CLTB: variants seen among roughly 807,000 people sequenced by gnomAD.
CLTB encodes clathrin, light chain (Lcb).
A neutral mutation model predicts 30.5 loss-of-function variants in CLTB; 10 were observed. That is an observed-to-expected ratio of 0.33 (90% CI 0.20 to 0.56). CLTB has a LOEUF of 0.56. Ranked by LOEUF, CLTB falls within the 20% of genes least tolerant of loss-of-function variation. The pLI, the probability that CLTB is intolerant of heterozygous loss-of-function variation, is 0.91. For synonymous variants in CLTB, 102 were observed against 120.3 expected (o/e 0.85, Z 1.00); for missense variants, 261 against 308.3 (o/e 0.85, Z 1.15).
At chr5:176,404,563 T>C (rs1161951412) in intron 2 of CLTB, among the ~76,000 whole-genome samples, 1 of 152,204 alleles carries the variant, frequency 6.6e-6, no homozygotes, top group African/African-American at 2.4e-5. Context: ...CAGCCTGCAG[T>C]CTGGGTGTGG....
intron 2 of CLTB, among the ~76,000 whole-genome samples, chr5:176,400,328 C>T (rs1404147068): frequency 6.6e-6 from 1 of 152,258 alleles, no homozygotes; most frequent in Middle Eastern, 3.4e-3. Context: ...AGTGATGGCT[C>T]AGTGAATAGT....
chr5:176,395,998 G>A (rs1364429245), intron 5 of CLTB, among the ~76,000 whole-genome samples: 3 of 152,096 alleles, frequency 2.0e-5, no homozygotes, highest in African/African-American at 7.2e-5. Context: ...AGCCGGGCAC[G>A]GTTGCATGTG....
At chr5:176,411,983 T>C (rs1171452747) in intron 1 of CLTB, among the ~76,000 whole-genome samples, 1 of 151,994 alleles carries the variant, frequency 6.6e-6, no homozygotes, top group Non-Finnish European at 1.5e-5. Context: ...GAGACCATCC[T>C]GGCTAACACG....
chr5:176,412,492 CTG>C (rs1757495282), intron 1 of CLTB, among the ~76,000 whole-genome samples: 1 of 152,208 alleles, frequency 6.6e-6, no homozygotes, highest in Non-Finnish European at 1.5e-5. Flanking sequence ...TTGAGGCCTG[CTG>C]TTATCTGCAA....
At chr5:176,412,555 G>A (rs1757498454) in intron 1 of CLTB, among the ~76,000 whole-genome samples, 1 of 152,236 alleles carries the variant, frequency 6.6e-6, no homozygotes, top group Non-Finnish European at 1.5e-5. Context: ...GAGGCCACAT[G>A]AGGTTAATAG....
upstream of CLTB, chr5:176,416,561 G>C: frequency 3.7e-6 from 1 of 272,284 alleles, no homozygotes; most frequent in Non-Finnish European, 6.4e-6. Flanking sequence ...GCCGCGGCGG[G>C]AGGAGCGGAG....
intron 4 of CLTB, 62 bp from the exon 5 acceptor site, chr5:176,396,594 C>G: frequency 8.3e-7 from 1 of 1,198,888 alleles, no homozygotes; most frequent in Non-Finnish European, 1.2e-6. Context: ...GACAGACAGG[C>G]AGGCAGAAGG....
intron 2 of CLTB, chr5:176,406,458 C>A: frequency 8.5e-7 from 1 of 1,182,720 alleles, no homozygotes; most frequent in South Asian, 1.6e-5. Flanking sequence ...CCACATCCTT[C>A]TTTGGGATTG....
rs374321487 is a variant in CLTB, at chr5:176,397,633, T to C, written c.438A>G (p.Gln146=). The C allele has an allele frequency of 1.9e-6, 3 of 1,586,980 alleles. No homozygotes were observed. Among genetic ancestry groups the C allele is most frequent in the Non-Finnish European group, 2.6e-6 (3 of 1,163,564 alleles). ...GGTTGTTGATCTTGTTCTTCTCTAC[T>C]TGTTCACTCTGGCGCTGGTTCCACT... ...LEEWNQRQSE[Q]VEKNKINNRI... The change falls in exon 4 of 6, where the codon CAA becomes CAG. Residue 146 remains glutamine (Q), a synonymous_variant. Transcript: ENST00000310418.
rs1390837803 is a variant in CLTB, at chr5:176,410,278, T to C, written c.213A>G (p.Thr71=). The change falls in exon 2 of 6, where the codon ACA becomes ACG. Residue 71 remains threonine (T), a synonymous_variant. Coordinates refer to ENST00000310418, the MANE Select transcript of CLTB (RefSeq NM_007097.5). ...SGAGSEDMGT[T]VNGDVFQEAN... ...TTACCTGAAACACATCTCCATTGAC[T>C]GTGGTCCCCATGTCCTCAGAACCAG... 1 of 1,614,048 alleles carries C rather than the reference T, an allele frequency of 6.2e-7. No individual in the cohort carries two copies. Among genetic ancestry groups the C allele is most frequent in the African/African-American group, 1.3e-5 (1 of 75,010 alleles).
rs1202536654 is a variant in CLTB at position 176,416,381 on chromosome 5, C to G, written c.-18G>C. 6.3e-7 allele frequency: 1 copy of G among 1,582,164 alleles called. No individual in the cohort carries two copies. The highest frequency in any genetic ancestry group is 1.4e-5 in the African/African-American group (1 of 70,974). ...TCAGCCATTTTCCCCGCGCCTCCGCCGGAGCCTCCGCTGCGCTCGGCTCTG... is the reference window on the plus strand; with the variant it reads ...TCAGCCATTTTCCCCGCGCCTCCGCGGGAGCCTCCGCTGCGCTCGGCTCTG... On this transcript the variant is annotated 5_prime_UTR_variant, in exon 1 of 6. Coordinates refer to ENST00000310418, the MANE Select transcript of CLTB (RefSeq NM_007097.5).
At chr5:176,411,277 G>C (rs930481573) in intron 1 of CLTB, among the ~76,000 whole-genome samples, 3 of 149,468 alleles carry the variant, frequency 2.0e-5, no homozygotes, top group African/African-American at 7.3e-5. Flanking sequence ...CCAATTGCCA[G>C]GGCTGACAGT....
rs78875106 is a variant in CLTB at position 176,396,263 on chromosome 5, T to C, written c.518+216A>G. ...GCAAGCACATTCCTTTCTCTGCCTT[T>C]ATCCTGCAAGGCTCTGATTTAGCCA... On this transcript the variant is annotated intron_variant, in intron 5 of 5. Coordinates refer to ENST00000310418, the MANE Select transcript of CLTB (RefSeq NM_007097.5). Among the ~76,000 whole-genome samples, 45 of 152,172 alleles carry C rather than the reference T, an allele frequency of 3.0e-4. 1 individual carries two copies. The East Asian group carries it at 7.7e-3, about 26-fold the overall frequency.
chr5:176,397,558 GC>G (rs775818584), intron 4 of CLTB, 48 bp downstream of exon 4: 3 of 273,112 alleles, frequency 1.1e-5, no homozygotes, highest in Non-Finnish European at 1.8e-5. Flanking sequence ...TGTCCCCACA[GC>G]CCCCCTCATG....
At chr5:176,403,013 C>T (rs1255604554) in intron 2 of CLTB, among the ~76,000 whole-genome samples, 5 of 151,408 alleles carry the variant, frequency 3.3e-5, no homozygotes. Flanking sequence ...TCATCTGTAT[C>T]CTTCAGGGCC....
At chr5:176,398,177 G>A (rs1756644431) in intron 2 of CLTB, 130 bp from the exon 3 acceptor site, 4 of 750,610 alleles carry the variant, frequency 5.3e-6, no homozygotes, top group Admixed American at 2.1e-5. Flanking sequence ...TGTCTCTGGT[G>A]ACTACACCTA....
rs766030689 is a variant in CLTB at position 176,392,866 on chromosome 5, C to T, written c.598G>A (p.Asp200Asn). Residue 200 changes from aspartate to asparagine, a missense_variant, in exon 6 of 6, where the codon GAC becomes AAC. Asp to Asn is a conservative substitution (Grantham distance 23). This residue lies in a region of CLTB where 25 missense variants were observed against 48.8 expected (regional missense o/e 0.51). Coordinates refer to ENST00000310418, the MANE Select transcript of CLTB (RefSeq NM_007097.5). The surrounding 1 kb of genome is among the most constrained non-coding windows in gnomAD (Gnocchi z 5.2). ...TGCTTGCTGCTCTTGGGGTTGAAGTCACATAGCTGGGCCACCTTCTCCCAC... is the reference window on the plus strand; with the variant it reads ...TGCTTGCTGCTCTTGGGGTTGAAGTTACATAGCTGGGCCACCTTCTCCCAC... ...TEWEKVAQLC[D>N]FNPKSSKQCK... 2 of 1,614,220 alleles carry T rather than the reference C, an allele frequency of 1.2e-6. No individual in the cohort carries two copies. Among genetic ancestry groups the T allele is most frequent in the Non-Finnish European group, 1.7e-6 (2 of 1,180,026 alleles).
At chr5:176,399,882 A>G (rs145346729) in intron 2 of CLTB, among the ~76,000 whole-genome samples, 6,213 of 151,124 alleles carry the variant, frequency 0.041, 432 homozygotes, top group African/African-American at 0.14. Context: ...GGTCTCAAAA[A>G]AAAAAAAAAG....
intron 2 of CLTB, among the ~76,000 whole-genome samples, chr5:176,400,799 G>A (rs887209020): frequency 6.6e-5 from 10 of 152,096 alleles, no homozygotes; most frequent in African/African-American, 1.9e-4. Flanking sequence ...TCTGTCCTAC[G>A]GCGCCCACCT....
Sources: gnomAD v4.1 joint callset for allele counts (sites outside exome capture counted in the v4.1 genomes callset) on GRCh38, gnomAD v4.1.1 for gene constraint, gnomAD v4.1.1 regional missense constraint, Gnocchi (gnomAD v3.1) non-coding constraint, MANE v1.5 for transcripts, NCBI Gene and HGNC (gene_info 2026-07-23, HGNC 2026-07-21) for gene names.